The following UBE2Q1 variants were observed in gnomAD, a reference collection of about 807,000 sequenced individuals.
UBE2Q1 encodes ubiquitin-conjugating enzyme E2 Q1.
UBE2Q1 carries 6 observed loss-of-function variants against 60.1 expected under a neutral mutation model. That is an observed-to-expected ratio of 0.10 (90% CI 0.05 to 0.20). UBE2Q1 has a LOEUF of 0.20. Ranked by LOEUF, UBE2Q1 falls within the 10% of genes least tolerant of loss-of-function variation. The probability of loss-of-function intolerance (pLI) is 1.00; values close to 1 mark genes in which losing one functional copy is unlikely to be tolerated. For missense variants in UBE2Q1, 262 were observed against 525.8 expected, an observed-to-expected ratio of 0.50 and a Z score of 4.91; for synonymous variants, 226 against 208.3, an observed-to-expected ratio of 1.09 and a Z score of -0.73.
In UBE2Q1 at chr1:154,551,197, A is replaced by T. The variant is rs1571006854; in HGVS notation, c.1171-193T>A. ...ATAGTCTTCCTTTTCCAGACCCGAA[A>T]CCTCCCAAAAGTCCTAGGGGTGCCC... On this transcript the variant is annotated intron_variant, in intron 11 of 12. Transcript: ENST00000292211. The T allele has an allele frequency of 1.2e-5, 10 of 842,680 alleles. No homozygotes were observed. In the East Asian group the frequency reaches 2.6e-4, roughly 22 times the overall value. The allele number at this position is 842,680 out of a possible 1,614,324, so 52.2% of individuals were successfully genotyped here. A position where few individuals can be genotyped will look rare whatever the true frequency, so the allele number is the denominator to read the frequency against.
In UBE2Q1 at chr1:154,555,993, C is replaced by A. The variant is rs201806395; in HGVS notation, c.328-29G>T. 103 of 1,601,702 alleles carry A rather than the reference C, an allele frequency of 6.4e-5. 1 individual carries two copies. The African/African-American group carries it at 1.2e-3, about 19-fold the overall frequency. ...AAGGGAAAAGAGCAATAAGAGCAAT[C>A]AAAATGGGTGACTCTGGGAAAAGCC... On this transcript the variant is annotated intron_variant, in intron 1 of 12. Coordinates refer to ENST00000292211, the MANE Select transcript of UBE2Q1 (RefSeq NM_017582.7).
At chr1:154,556,037 T>TC in intron 1 of UBE2Q1, 73 bp from the exon 2 acceptor site, 2 of 1,352,152 alleles carry the variant, frequency 1.5e-6, no homozygotes, top group Non-Finnish European at 1.1e-6. Flanking sequence ...CCTGTCCTCT[T>TC]CCCCCCAAGA....
At chr1:154,553,277 T>A in intron 4 of UBE2Q1, 105 bp from the exon 5 acceptor site, 1 of 1,435,454 alleles carries the variant, frequency 7.0e-7, no homozygotes, top group Admixed American at 2.5e-5. Flanking sequence ...AGCCAAAAGT[T>A]AAAGTGAAGC....
In UBE2Q1 at chr1:154,552,187, A is replaced by G; in HGVS notation, c.876-4T>C. 6.2e-7 allele frequency: 1 copy of G among 1,614,210 alleles called. No homozygotes were observed. The highest frequency in any genetic ancestry group is 8.5e-7 in the Non-Finnish European group (1 of 1,180,032). ...CAAAGCGCTGTCCTGGTCAACTCTA[A>G]GAAGCAACAAGCCTGGGCTCAGATG... On this transcript the variant is annotated splice_polypyrimidine_tract_variant and splice_region_variant and intron_variant, in intron 7 of 12. Coordinates refer to ENST00000292211, the MANE Select transcript of UBE2Q1 (RefSeq NM_017582.7).
At position 154,558,454 on chromosome 1, in the gene UBE2Q1, C is replaced by G. The variant is rs752073705; in HGVS notation, c.100G>C (p.Gly34Arg). Residue 34 changes from glycine (G) to arginine (R), a missense_variant, in exon 1 of 13, where the codon GGC becomes CGC. Around this residue, in one of 5 missense-constraint regions of UBE2Q1, gnomAD observed 70 missense variants for 56.7 expected, o/e 1.24. Transcript: ENST00000292211. ...CTCAGGCAGGGCCCCGGCCCCGGGC[C>G]CCCCCCTGGGCCGCCCCCGGCCCCC... ...APGAGGGPGG[G>R]PGPGPCLRRE... 6.2e-6 allele frequency: 9 copies of G among 1,460,304 alleles called. No individual in the cohort carries two copies. In the East Asian group the frequency reaches 9.1e-5, roughly 15 times the overall value. 90.5% of individuals were successfully genotyped at this position (1,460,304 alleles called of 1,614,324 possible).
intron 1 of UBE2Q1, among the ~76,000 whole-genome samples, chr1:154,556,740 A>T (rs988522351): frequency 3.9e-5 from 6 of 152,308 alleles, no homozygotes; most frequent in African/African-American, 1.4e-4. Flanking sequence ...AGCCATGGGG[A>T]GTCTGGCTGA....
chr1:154,551,996 C>A lies in UBE2Q1; in HGVS notation c.967-17G>T. 1 of 1,613,704 alleles carries A rather than the reference C, an allele frequency of 6.2e-7. No individual in the cohort carries two copies. Among genetic ancestry groups the A allele is most frequent in the Non-Finnish European group, 8.5e-7 (1 of 1,179,810 alleles). Reference sequence around the variant, plus strand: ...AAAGTTATCCTGAGAGAGAGAGAGACGACAATCAGGGGAGGGAGGCCAGCA... The same window carrying A: ...AAAGTTATCCTGAGAGAGAGAGAGAAGACAATCAGGGGAGGGAGGCCAGCA... On this transcript the variant is annotated splice_polypyrimidine_tract_variant and intron_variant, in intron 8 of 12. Coordinates refer to ENST00000292211, the MANE Select transcript of UBE2Q1 (RefSeq NM_017582.7).
At position 154,558,574 on chromosome 1, in the gene UBE2Q1, G is replaced by C; in HGVS notation, c.-21C>G. Reference sequence around the variant, plus strand: ...TGCATCCTCCGCTCCGCTCCGCTCCGGGGCCGGCGGGCCGGGAGCCTCCGG... The same window carrying C: ...TGCATCCTCCGCTCCGCTCCGCTCCCGGGCCGGCGGGCCGGGAGCCTCCGG... On this transcript the variant is annotated 5_prime_UTR_variant, in exon 1 of 13. Coordinates refer to ENST00000292211, the MANE Select transcript of UBE2Q1 (RefSeq NM_017582.7). 1 of 1,018,844 alleles carries C rather than the reference G, an allele frequency of 9.8e-7. No homozygotes were observed. The highest frequency in any genetic ancestry group is 1.2e-6 in the Non-Finnish European group (1 of 858,398). The allele number at this position is 1,018,844 out of a possible 1,614,324, so 63.1% of individuals were successfully genotyped here.
rs549444803 is a variant in UBE2Q1, at chr1:154,558,459, C to G, written c.95G>C (p.Gly32Ala). ...GAAPGAGGGPGGGPGPGPCLR... is the reference protein window; with the variant it reads ...GAAPGAGGGPAGGPGPGPCLR... ...GCAGGGCCCCGGCCCCGGGCCCCCCCCTGGGCCGCCCCCGGCCCCCGGCGC... is the reference window on the plus strand; with the variant it reads ...GCAGGGCCCCGGCCCCGGGCCCCCCGCTGGGCCGCCCCCGGCCCCCGGCGC... Residue 32 changes from glycine to alanine, a missense_variant, in exon 1 of 13, where the codon GGG (glycine) becomes GCG (alanine). This residue lies in a region of UBE2Q1 where 70 missense variants were observed against 56.7 expected (regional missense o/e 1.24). Transcript: ENST00000292211. 2.5e-4 allele frequency: 343 copies of G among 1,376,840 alleles called. No homozygotes were observed. The highest frequency in any genetic ancestry group is 3.0e-4 in the Non-Finnish European group (319 of 1,068,090). 85.3% of individuals were successfully genotyped at this position (1,376,840 alleles called of 1,614,324 possible).
chr1:154,557,194 C>G (rs891623110), intron 1 of UBE2Q1, among the ~76,000 whole-genome samples: 1 of 152,188 alleles, frequency 6.6e-6, no homozygotes, highest in African/African-American at 2.4e-5. Context: ...ATTCAGGCCC[C>G]CAAGTAGCAG....
At chr1:154,557,239 C>T (rs1695907547) in intron 1 of UBE2Q1, among the ~76,000 whole-genome samples, 2 of 152,230 alleles carry the variant, frequency 1.3e-5, no homozygotes, top group South Asian at 4.1e-4. Flanking sequence ...CAGGCTACTC[C>T]GATTAGGTCT....
chr1:154,550,704 T>C (rs1695778008), intron 12 of UBE2Q1: 1 of 985,188 alleles, frequency 1.0e-6, no homozygotes, highest in Non-Finnish European at 1.2e-6. Flanking sequence ...CAAAAGGTGG[T>C]CAAGAAGGGG....
At chr1:154,552,658 G>T in intron 6 of UBE2Q1, 78 bp downstream of exon 6, 1 of 1,543,996 alleles carries the variant, frequency 6.5e-7, no homozygotes, top group South Asian at 1.2e-5. Flanking sequence ...CTGGACCCCA[G>T]AACCTCTTGG....
At chr1:154,552,983 G>C (rs754455557) in intron 5 of UBE2Q1, 49 bp downstream of exon 5, 7 of 1,608,668 alleles carry the variant, frequency 4.4e-6, no homozygotes, top group Non-Finnish European at 5.9e-6. Flanking sequence ...CTACTTCCCA[G>C]CCATTTCCCA....
rs1695741761 is a variant in UBE2Q1 at position 154,548,735 on chromosome 1, T to G, written c.*1703A>C. On this transcript the variant is annotated 3_prime_UTR_variant, in exon 13 of 13. Transcript: ENST00000292211. ...GTTCAGAAGAAAGCCACAGAGGCCTTGAAAACCAGATTTCAGCTCTATGGA... is the reference window on the plus strand; with the variant it reads ...GTTCAGAAGAAAGCCACAGAGGCCTGGAAAACCAGATTTCAGCTCTATGGA... 6.6e-6 allele frequency: 1 copy of G among 152,634 alleles called. No individual in the cohort carries two copies. Among genetic ancestry groups the G allele is most frequent in the African/African-American group, 2.4e-5 (1 of 41,452 alleles). The allele number at this position is 152,634 out of a possible 1,614,324, so 9.5% of individuals were successfully genotyped here. A position where few individuals can be genotyped will look rare whatever the true frequency, so the allele number is the denominator to read the frequency against.
Position 154,552,483 on chromosome 1 carries a change from C to T in UBE2Q1, c.815-19G>A. On this transcript the variant is annotated intron_variant, in intron 6 of 12. Coordinates refer to ENST00000292211, the MANE Select transcript of UBE2Q1 (RefSeq NM_017582.7). ...TAGTTTCCTGGAAGGAGGGAAAAAA[C>T]AGGTGTTAGTAGAATGGTCCAGGTG... 1.2e-6 allele frequency: 2 copies of T among 1,614,004 alleles called. No individual in the cohort carries two copies. Among genetic ancestry groups the T allele is most frequent in the Non-Finnish European group, 8.5e-7 (1 of 1,179,920 alleles).
At chr1:154,551,355 G>A in intron 11 of UBE2Q1, 42 bp downstream of exon 11, 1 of 1,598,950 alleles carries the variant, frequency 6.3e-7, no homozygotes, top group South Asian at 1.1e-5. Context: ...AAGTGTACTT[G>A]GCTCCACCCA....
At position 154,550,388 on chromosome 1, in the gene UBE2Q1, G is replaced by C. The variant is rs1695773618; in HGVS notation, c.*50C>G. 6.2e-7 allele frequency: 1 copy of C among 1,611,764 alleles called. No homozygotes were observed. Among genetic ancestry groups the C allele is most frequent in the African/African-American group, 1.3e-5 (1 of 74,876 alleles). ...TGAGATCCAAATACAGCATTCAAAG[G>C]TAATTGGTCCAGTGGTGCCTGGGGA... On this transcript the variant is annotated 3_prime_UTR_variant, in exon 13 of 13. Transcript: ENST00000292211.
intron 3 of UBE2Q1, 136 bp downstream of exon 3, chr1:154,555,292 G>A: frequency 1.3e-6 from 1 of 742,742 alleles, no homozygotes; most frequent in South Asian, 1.5e-5. Context: ...GAAGAACGAG[G>A]GTGAGAGTCA....
Sources: gnomAD v4.1 joint callset for allele counts (sites outside exome capture counted in the v4.1 genomes callset) on GRCh38, gnomAD v4.1.1 for gene constraint, gnomAD v4.1.1 regional missense constraint, MANE v1.5 for transcripts, NCBI Gene and HGNC (gene_info 2026-07-23, HGNC 2026-07-21) for gene names.